TBC1D12: variants seen among roughly 807,000 people sequenced by gnomAD.
The protein encoded by TBC1D12 is TBC1 domain family, member 12.
TBC1D12 carries 56 observed loss-of-function variants against 86.7 expected under a neutral mutation model. That is an observed-to-expected ratio of 0.65 (90% confidence interval 0.52 to 0.81). The LOEUF is 0.81. TBC1D12 is among the 30% of genes least tolerant of loss of function. The pLI, the probability that TBC1D12 is intolerant of heterozygous loss-of-function variation, is 0.00. For synonymous variants in TBC1D12, 421 were observed against 411.7 expected (o/e 1.02, Z -0.27); for missense variants, 1,023 against 1,038.8 (o/e 0.98, Z 0.21).
intron 1 of TBC1D12, among the ~76,000 whole-genome samples, chr10:94,404,489 T>TA (rs1302362059): frequency 6.7e-6 from 1 of 149,990 alleles, no homozygotes; most frequent in East Asian, 2.0e-4. Flanking sequence ...CTACTAAAAA[T>TA]ACAAAAATTA....
chr10:94,471,759 G>A (rs984269541), intron 2 of TBC1D12, among the ~76,000 whole-genome samples: 2 of 152,110 alleles, frequency 1.3e-5, no homozygotes, highest in African/African-American at 4.8e-5. Flanking sequence ...GTTTCATAAG[G>A]TGAACCAAAA....
chr10:94,509,999 A>T lies in TBC1D12; in HGVS notation c.1601-92A>T. The T allele has an allele frequency of 8.3e-6, 7 of 843,612 alleles. No homozygotes were observed. In the South Asian group the frequency reaches 1.2e-4, roughly 14 times the overall value. The allele number at this position is 843,612 out of a possible 1,614,324, so 52.3% of individuals were successfully genotyped here. A position where few individuals can be genotyped will look rare whatever the true frequency, so the allele number is the denominator to read the frequency against. ...CTTGATTATTCAGCTTTTAACTTAA[A>T]TAACACATGCTGTGTGATCATTCTG... On this transcript the variant is annotated intron_variant, in intron 7 of 12. Transcript: ENST00000225235.
At chr10:94,517,605 C>A (rs1037751963) in intron 9 of TBC1D12, among the ~76,000 whole-genome samples, 5 of 152,072 alleles carry the variant, frequency 3.3e-5, no homozygotes, top group African/African-American at 1.2e-4. Context: ...AAAGTGACCA[C>A]CATATAACTT....
intron 1 of TBC1D12, among the ~76,000 whole-genome samples, chr10:94,416,926 A>T (rs2055006805): frequency 6.6e-6 from 1 of 152,206 alleles, no homozygotes; most frequent in African/African-American, 2.4e-5. Flanking sequence ...GCAGATTCTC[A>T]TCTGGATGAT....
At position 94,510,224 on chromosome 10, in the gene TBC1D12, C is replaced by G. The variant is rs762775126; in HGVS notation, c.1689+45C>G. 2.2e-6 allele frequency: 3 copies of G among 1,380,086 alleles called. No individual in the cohort carries two copies. In the South Asian group the frequency reaches 4.1e-5, roughly 19 times the overall value. The allele number at this position is 1,380,086 out of a possible 1,614,324, so 85.5% of individuals were successfully genotyped here. A position where few individuals can be genotyped will look rare whatever the true frequency, so the allele number is the denominator to read the frequency against. On this transcript the variant is annotated intron_variant, in intron 8 of 12. Coordinates refer to ENST00000225235, the MANE Select transcript of TBC1D12 (RefSeq NM_015188.2). ...TTGTAATTACTTAAAAAAAATCTAT[C>G]AATATCCAAGGCAACAGATTCTTTA...
At chr10:94,501,512 T>TA (rs1254050920) in intron 6 of TBC1D12, 1 of 154,256 alleles carries the variant, frequency 6.5e-6, no homozygotes, top group African/African-American at 2.4e-5. Flanking sequence ...TTAAGTTTCT[T>TA]AAACTTTGGT....
At chr10:94,404,993 G>A (rs2054832588) in intron 1 of TBC1D12, among the ~76,000 whole-genome samples, 1 of 150,864 alleles carries the variant, frequency 6.6e-6, no homozygotes, top group Admixed American at 6.6e-5. Flanking sequence ...GTTGCTGTGA[G>A]CTGAGATCGA....
At chr10:94,462,577 C>A (rs956768709) in intron 2 of TBC1D12, among the ~76,000 whole-genome samples, 1 of 152,094 alleles carries the variant, frequency 6.6e-6, no homozygotes, top group Non-Finnish European at 1.5e-5. Context: ...TAATGTTTTT[C>A]TTGACATCAG....
intron 2 of TBC1D12, among the ~76,000 whole-genome samples, chr10:94,471,149 G>A (rs1382019731): frequency 6.6e-6 from 1 of 151,952 alleles, no homozygotes; most frequent in Non-Finnish European, 1.5e-5. Flanking sequence ...GGTGGCACAT[G>A]CCTGTAATCT....
At chr10:94,490,955 C>A (rs2056237791) in intron 3 of TBC1D12, among the ~76,000 whole-genome samples, 1 of 151,996 alleles carries the variant, frequency 6.6e-6, no homozygotes, top group Non-Finnish European at 1.5e-5. Flanking sequence ...GGACTCTCTG[C>A]AGCTCCCTTC....
At chr10:94,484,730 C>G (rs555762511) in intron 3 of TBC1D12, among the ~76,000 whole-genome samples, 1 of 152,242 alleles carries the variant, frequency 6.6e-6, no homozygotes, top group Non-Finnish European at 1.5e-5. Context: ...AATCCATGAA[C>G]ATGGAATATT....
intron 2 of TBC1D12, among the ~76,000 whole-genome samples, chr10:94,451,907 C>T (rs1033571218): frequency 6.6e-6 from 1 of 151,894 alleles, no homozygotes; most frequent in Non-Finnish European, 1.5e-5. Context: ...CAAGTGCCAA[C>T]TCTTTTGATC....
intron 2 of TBC1D12, among the ~76,000 whole-genome samples, chr10:94,459,768 A>G (rs548431592): frequency 7.2e-5 from 11 of 152,308 alleles, no homozygotes; most frequent in African/African-American, 2.4e-4. Context: ...GCCCGGGGCC[A>G]GTGGCACCGG....
chr10:94,514,182 C>T (rs780505601), intron 9 of TBC1D12, among the ~76,000 whole-genome samples: 4 of 152,012 alleles, frequency 2.6e-5, no homozygotes, highest in Non-Finnish European at 4.4e-5. Context: ...TTAAGACCAG[C>T]CTGAGCAACA....
chr10:94,507,720 T>TCA (rs1337120754), intron 7 of TBC1D12, among the ~76,000 whole-genome samples: 1 of 152,158 alleles, frequency 6.6e-6, no homozygotes, highest in Non-Finnish European at 1.5e-5. Context: ...GGCGGATGGC[T>TCA]CACACCTGTA....
intron 1 of TBC1D12, among the ~76,000 whole-genome samples, chr10:94,414,939 G>A (rs990670953): frequency 1.3e-5 from 2 of 152,130 alleles, no homozygotes; most frequent in South Asian, 2.1e-4. Flanking sequence ...GGCTCTAAAA[G>A]TTTAGGTTGT....
intron 3 of TBC1D12, among the ~76,000 whole-genome samples, chr10:94,483,357 G>T (rs2134160346): frequency 6.6e-6 from 1 of 152,234 alleles, no homozygotes; most frequent in Non-Finnish European, 1.5e-5. Context: ...CATAGTGGTT[G>T]TACTAATTTC....
intron 4 of TBC1D12, among the ~76,000 whole-genome samples, chr10:94,496,622 G>GGCCACC: frequency 1.3e-5 from 2 of 151,914 alleles, no homozygotes; most frequent in Non-Finnish European, 2.9e-5. Flanking sequence ...ATAGAAATAT[G>GGCCACC]TGATAAAGTA....
chr10:94,483,320 T>C (rs1321521881), intron 3 of TBC1D12, among the ~76,000 whole-genome samples: 1 of 152,180 alleles, frequency 6.6e-6, no homozygotes, highest in Non-Finnish European at 1.5e-5. Flanking sequence ...TATTTTTAGT[T>C]TTTTTAGGAA....
Sources: allele counts gnomAD v4.1 joint callset (sites outside exome capture counted in the v4.1 genomes callset), GRCh38; gene constraint gnomAD v4.1.1; transcripts MANE v1.5; gene names NCBI Gene and HGNC (gene_info 2026-07-23, HGNC 2026-07-21).